BAIAP2: variants seen among roughly 807,000 people sequenced by gnomAD.
The protein encoded by BAIAP2 is BAR/IMD domain containing adaptor protein 2.
A neutral mutation model predicts 63.0 loss-of-function variants in BAIAP2; 18 were observed. That is an observed-to-expected ratio of 0.29 (90% confidence interval 0.20 to 0.42). The LOEUF (loss-of-function observed/expected upper bound fraction) is 0.42, where lower values mean the gene tolerates loss of function less well. Ranked by LOEUF, BAIAP2 falls within the 10% of genes least tolerant of loss-of-function variation. The probability of loss-of-function intolerance (pLI) is 1.00; values close to 1 mark genes in which losing one functional copy is unlikely to be tolerated. For missense variants in BAIAP2, 610 were observed against 734.3 expected (o/e 0.83, Z 1.96); for synonymous variants, 386 against 307.6 (o/e 1.25, Z -2.67).
intron 8 of BAIAP2, 87 bp from the exon 9 acceptor site, chr17:81,103,820 C>T: frequency 1.3e-6 from 2 of 1,591,748 alleles, no homozygotes; most frequent in South Asian, 1.1e-5. Context: ...CCAGGGGCCC[C>T]TGCTGAGGGG....
intron 3 of BAIAP2, among the ~76,000 whole-genome samples, chr17:81,063,467 G>A (rs562103872): frequency 7.9e-5 from 12 of 152,314 alleles, no homozygotes; most frequent in African/African-American, 2.9e-4. Context: ...TTCTGGATGA[G>A]CTCGAGGCCC....
intron 10 of BAIAP2, chr17:81,105,123 T>TC (rs200190489): frequency 1.1e-4 from 19 of 175,512 alleles, no homozygotes; most frequent in South Asian, 5.0e-4. Flanking sequence ...GGCAGGGGTC[T>TC]GCCCCATGGC....
Position 81,103,669 on chromosome 17 carries a change from C to G in BAIAP2, c.810C>G (p.Pro270=). 7 of 1,600,330 alleles carry G rather than the reference C, an allele frequency of 4.4e-6. No individual in the cohort carries two copies. Among genetic ancestry groups the G allele is most frequent in the Non-Finnish European group, 6.0e-6 (7 of 1,174,388 alleles). ...AGTCCAACCTGGTCATTTCCGACCC[C>G]ATTCCGGGGGCCAAGCCCCTGCCGG... The part of the protein sequence containing the change: ...ASKSNLVISD[P]IPGAKPLPVP... The change falls in exon 8 of 14, where the codon CCC becomes CCG. Residue 270 remains proline (P), a synonymous_variant. Coordinates refer to ENST00000428708, the MANE Select transcript of BAIAP2 (RefSeq NM_001144888.2).
intron 6 of BAIAP2, among the ~76,000 whole-genome samples, chr17:81,099,487 A>G (rs2058198459): frequency 6.6e-6 from 1 of 152,102 alleles, no homozygotes; most frequent in African/African-American, 2.4e-5. Flanking sequence ...GGCACAGGTG[A>G]GAGTGCTCCA....
intron 7 of BAIAP2, among the ~76,000 whole-genome samples, chr17:81,102,689 C>T (rs1224527689): frequency 1.3e-5 from 2 of 151,856 alleles, no homozygotes; most frequent in Non-Finnish European, 1.5e-5. Flanking sequence ...CGTGGGTCCC[C>T]AGCGTGGGTG....
At position 81,062,846 on chromosome 17, in the gene BAIAP2, G is replaced by A. The variant is rs574623008; in HGVS notation, c.217+4879G>A. Among the ~76,000 whole-genome samples the A allele has an allele frequency of 7.9e-5, 12 of 152,030 alleles. No homozygotes were observed. The South Asian group carries it at 1.2e-3, about 16-fold the overall frequency. ...CAGAGTCTGAGGGCCTCACACCGTC[G>A]TCTTCCAGCTCCCACCGCTGCTGTG... On this transcript the variant is annotated intron_variant, in intron 3 of 13. Coordinates refer to ENST00000428708, the MANE Select transcript of BAIAP2 (RefSeq NM_001144888.2).
chr17:81,060,802 T>G (rs181225558), intron 3 of BAIAP2, among the ~76,000 whole-genome samples: 73 of 152,162 alleles, frequency 4.8e-4, no homozygotes, highest in African/African-American at 6.5e-4. Context: ...AGAGGGCAGG[T>G]TTATGCCATT....
intron 3 of BAIAP2, among the ~76,000 whole-genome samples, chr17:81,069,977 T>C (rs1366307331): frequency 6.6e-6 from 1 of 152,098 alleles, no homozygotes; most frequent in East Asian, 1.9e-4. Context: ...TTCCCCCTTT[T>C]TGGAGACAGA....
chr17:81,084,258 C>T (rs1195775267), intron 3 of BAIAP2, among the ~76,000 whole-genome samples: 2 of 152,276 alleles, frequency 1.3e-5, no homozygotes, highest in South Asian at 2.1e-4. Context: ...CTCAGACCAC[C>T]GCGCTCCTCT....
chr17:81,044,330 TGAGTGACC>T (rs1162285355), intron 1 of BAIAP2, among the ~76,000 whole-genome samples: 1 of 152,198 alleles, frequency 6.6e-6, no homozygotes, highest in Non-Finnish European at 1.5e-5. Flanking sequence ...TTGGCGGTAA[TGAGTGACC>T]TAGTGACCGG....
Position 81,103,953 on chromosome 17 carries a change from G to C in BAIAP2, c.911G>C (p.Gly304Ala). The C allele has an allele frequency of 6.2e-7, 1 of 1,613,040 alleles. No individual in the cohort carries two copies. The highest frequency in any genetic ancestry group is 8.5e-7 in the Non-Finnish European group (1 of 1,180,018). The stretch of plus-strand genomic sequence containing the variant: ...ACACCCATCATGAACGGCGTCACAG[G>C]CCCGGATGGCGAGGACTACAGCCCG... ...ESTPIMNGVT[G>A]PDGEDYSPWA... The change falls in exon 9 of 14, where the codon GGC becomes GCC. Residue 304 changes from glycine to alanine, a missense_variant. This residue lies in a region of BAIAP2 where 389 missense variants were observed against 455.6 expected (regional missense o/e 0.85). Coordinates refer to ENST00000428708, the MANE Select transcript of BAIAP2 (RefSeq NM_001144888.2).
chr17:81,094,325 A>G (rs976052307), intron 6 of BAIAP2, among the ~76,000 whole-genome samples: 6 of 152,242 alleles, frequency 3.9e-5, no homozygotes, highest in East Asian at 1.9e-4. Context: ...CAGACTGTCC[A>G]TCCCAATACC....
At chr17:81,111,001 G>A in intron 13 of BAIAP2, 4 of 1,612,082 alleles carry the variant, frequency 2.5e-6, no homozygotes, top group Non-Finnish European at 3.4e-6. Context: ...GGCCTCTCCA[G>A]TGGTTCTCCA....
At chr17:81,054,852 G>A (rs1441823653) in intron 2 of BAIAP2, among the ~76,000 whole-genome samples, 3 of 152,212 alleles carry the variant, frequency 2.0e-5, no homozygotes, top group Non-Finnish European at 2.9e-5. Flanking sequence ...CTTCCTTGTC[G>A]CCAGATGCCC....
At chr17:81,063,357 A>G (rs2050917935) in intron 3 of BAIAP2, among the ~76,000 whole-genome samples, 1 of 152,172 alleles carries the variant, frequency 6.6e-6, no homozygotes, top group Non-Finnish European at 1.5e-5. Context: ...TTCTTGCCAC[A>G]CGCGGATGCC....
intron 6 of BAIAP2, among the ~76,000 whole-genome samples, chr17:81,094,465 C>G (rs1259595115): frequency 6.6e-6 from 1 of 152,178 alleles, no homozygotes; most frequent in South Asian, 2.1e-4. Context: ...CAAAGTGGCA[C>G]TGTTCCCTTC....
chr17:81,104,994 A>C, intron 10 of BAIAP2: 1 of 353,552 alleles, frequency 2.8e-6, no homozygotes, highest in Non-Finnish European at 5.3e-6. Context: ...TCTCCCCCCA[A>C]CGGCAGGGAT....
intron 13 of BAIAP2, among the ~76,000 whole-genome samples, chr17:81,112,130 A>G (rs1390768244): frequency 6.6e-6 from 1 of 152,116 alleles, no homozygotes; most frequent in African/African-American, 2.4e-5. Context: ...CTCCCTTCCG[A>G]GACGCTGTTT....
rs1258152695 is a variant in BAIAP2, at chr17:81,106,775, C to T, written c.1368C>T (p.Gly456=). The change falls in exon 12 of 14, where the codon GGC becomes GGT. Residue 456 remains glycine, a synonymous_variant. Transcript: ENST00000428708. ...AGCAAGGGAAGAGCAGCAGCACGGGCAACCTCCTGGACAAGGACGACCTGG... is the reference window on the plus strand; with the variant it reads ...AGCAAGGGAAGAGCAGCAGCACGGGTAACCTCCTGGACAAGGACGACCTGG... ...SLQQGKSSST[G]NLLDKDDLAI... The T allele has an allele frequency of 3.1e-6, 5 of 1,612,622 alleles. No homozygotes were observed. In the South Asian group the frequency reaches 5.5e-5, roughly 18 times the overall value.
Sources: allele counts gnomAD v4.1 joint callset (sites outside exome capture counted in the v4.1 genomes callset), GRCh38; gene constraint gnomAD v4.1.1; regional missense constraint gnomAD v4.1.1; transcripts MANE v1.5; gene names NCBI Gene and HGNC (gene_info 2026-07-23, HGNC 2026-07-21).